Variants in APBA2 observed in about 807,000 individuals in gnomAD.
APBA2 encodes amyloid beta precursor protein binding family A member 2.
In APBA2, 30 loss-of-function variants were observed where a neutral mutation model predicts 75.0. The observed-to-expected ratio is 0.40, with a 90% CI of 0.30 to 0.54. The LOEUF (loss-of-function observed/expected upper bound fraction) is 0.54, where lower values mean the gene tolerates loss of function less well. APBA2 is among the 20% of genes least tolerant of loss of function. The pLI is 0.49. For synonymous variants in APBA2, 444 were observed against 409.6 expected (o/e 1.08, Z -1.01); for missense variants, 801 against 1,016.1 (o/e 0.79, Z 2.88).
chr15:28,914,041 A>G (rs1191224773), intron 1 of APBA2, among the ~76,000 whole-genome samples: 1 of 152,212 alleles, frequency 6.6e-6, no homozygotes. Context: ...CTTGAGGTGA[A>G]ACATTGGGTT....
At chr15:28,978,972 A>G (rs911757641) in intron 2 of APBA2, among the ~76,000 whole-genome samples, 2 of 152,324 alleles carry the variant, frequency 1.3e-5, no homozygotes, top group African/African-American at 2.4e-5. Context: ...TTAAAATCCT[A>G]TGGGTCTGAC....
intron 2 of APBA2, among the ~76,000 whole-genome samples, chr15:28,953,657 G>A (rs2036009791): frequency 6.6e-6 from 1 of 152,170 alleles, no homozygotes; most frequent in South Asian, 2.1e-4. Context: ...CCCTTCCCAT[G>A]TGACTGACCA....
chr15:28,941,473 A>G (rs1177568389), intron 2 of APBA2, among the ~76,000 whole-genome samples: 1 of 149,872 alleles, frequency 6.7e-6, no homozygotes, highest in East Asian at 2.0e-4. Context: ...CTGTGTGACC[A>G]ACGACTCTTC....
At chr15:29,037,946 A>T (rs1328011982) in intron 3 of APBA2, among the ~76,000 whole-genome samples, 1 of 152,150 alleles carries the variant, frequency 6.6e-6, no homozygotes, top group African/African-American at 2.4e-5. Context: ...TCTTCAGCAT[A>T]CTGTCTCTTA....
At chr15:28,962,718 T>A (rs1321335822) in intron 2 of APBA2, among the ~76,000 whole-genome samples, 1 of 151,994 alleles carries the variant, frequency 6.6e-6, no homozygotes, top group Non-Finnish European at 1.5e-5. Context: ...CAGCCTAACT[T>A]CCTTGCCTTT....
In APBA2 at chr15:29,073,776, G is replaced by T. The variant is rs79777415; in HGVS notation, c.952-1145G>T. On this transcript the variant is annotated intron_variant, in intron 4 of 14. Coordinates refer to ENST00000683413, the MANE Select transcript of APBA2 (RefSeq NM_001353788.2). ...GCAGGCTCCGGAACCTCCTCTGGGAGGTGGACAGGGATTTAAGGGCTATGG... is the reference window on the plus strand; with the variant it reads ...GCAGGCTCCGGAACCTCCTCTGGGATGTGGACAGGGATTTAAGGGCTATGG... 4.2e-3 allele frequency among the ~76,000 whole-genome samples: 634 copies of T among 152,360 alleles called. 6 individuals carry two copies. The highest frequency in any genetic ancestry group is 0.015 in the African/African-American group (618 of 41,590).
intron 4 of APBA2, among the ~76,000 whole-genome samples, chr15:29,071,447 G>A (rs1270502879): frequency 1.3e-5 from 2 of 151,604 alleles, no homozygotes; most frequent in Non-Finnish European, 2.9e-5. Flanking sequence ...TGGGTTTCAG[G>A]CCCCACTACA....
intron 2 of APBA2, chr15:28,970,590 C>T (rs796143000): frequency 8.6e-5 from 13 of 150,710 alleles, no homozygotes; most frequent in Admixed American, 8.6e-4. Flanking sequence ...TGGAAACATA[C>T]TTTACTTTTT....
intron 2 of APBA2, among the ~76,000 whole-genome samples, chr15:28,974,045 C>G (rs553653464): frequency 7.3e-4 from 111 of 152,288 alleles, no homozygotes; most frequent in African/African-American, 2.3e-3. Flanking sequence ...AAAGGCAAGA[C>G]TGATTTTCAG....
intron 3 of APBA2, among the ~76,000 whole-genome samples, chr15:29,038,336 A>T (rs12439061): frequency 2.6e-5 from 4 of 152,108 alleles, no homozygotes; most frequent in Non-Finnish European, 4.4e-5. Flanking sequence ...CTACTTGGGA[A>T]TTCACAGAAC....
intron 6 of APBA2, among the ~76,000 whole-genome samples, chr15:29,091,237 AC>A (rs904091908): frequency 2.0e-5 from 3 of 151,916 alleles, no homozygotes; most frequent in Non-Finnish European, 4.4e-5. Context: ...CCGTGGGAGG[AC>A]CCCATTGATA....
intron 6 of APBA2, among the ~76,000 whole-genome samples, chr15:29,088,776 C>A (rs940892187): frequency 6.6e-6 from 1 of 152,178 alleles, no homozygotes; most frequent in African/African-American, 2.4e-5. Flanking sequence ...TGGCCTGTCA[C>A]CCGTGGCCCC....
rs1199509990 is a variant in APBA2 at position 29,054,869 on chromosome 15, AG to A, written c.951+38del. ...CTGGCTGTCCTGGGGAAGGGAGCAG[AG>A]GGGCCCGAGAGCAAGGGACCTCAGG... On this transcript the variant is annotated intron_variant, in intron 4 of 14. Transcript: ENST00000683413. This position sits in a 1 kb window ranked among gnomAD's most constrained non-coding sequence, Gnocchi z 6.1. The A allele has an allele frequency of 2.5e-6, 4 of 1,577,016 alleles. No individual in the cohort carries two copies. The highest frequency in any genetic ancestry group is 3.4e-6 in the Non-Finnish European group (4 of 1,167,260).
At chr15:28,886,894 G>A (rs925998791) in intron 1 of APBA2, among the ~76,000 whole-genome samples, 8 of 152,236 alleles carry the variant, frequency 5.3e-5, no homozygotes, top group African/African-American at 1.9e-4. Flanking sequence ...CCCCATGGCA[G>A]GCACTGCCTG....
intron 3 of APBA2, among the ~76,000 whole-genome samples, chr15:29,005,077 G>C (rs1375175175): frequency 1.3e-5 from 2 of 152,096 alleles, no homozygotes; most frequent in Admixed American, 6.6e-5. Flanking sequence ...AGTTGCTTCT[G>C]GTCCTCAGGC....
chr15:29,097,829 C>G (rs1320307837), intron 8 of APBA2, among the ~76,000 whole-genome samples: 1 of 152,184 alleles, frequency 6.6e-6, no homozygotes. Context: ...TTGCCCCAGC[C>G]CCTGATAACC....
intron 3 of APBA2, among the ~76,000 whole-genome samples, chr15:29,033,339 T>C (rs1050427043): frequency 4.6e-5 from 7 of 152,150 alleles, no homozygotes; most frequent in African/African-American, 1.7e-4. Flanking sequence ...ACAGGAATGG[T>C]CTTACCCATC....
intron 2 of APBA2, among the ~76,000 whole-genome samples, chr15:28,934,148 C>T (rs2034718240): frequency 6.6e-6 from 1 of 152,152 alleles, no homozygotes; most frequent in African/African-American, 2.4e-5. Context: ...CCCTCCACAG[C>T]CTTGGGAACA....
Position 29,106,816 on chromosome 15 carries a change from C to G in APBA2, c.1914C>G (p.Ile638Met). 1 of 1,612,678 alleles carries G rather than the reference C, an allele frequency of 6.2e-7. No homozygotes were observed. The highest frequency in any genetic ancestry group is 8.5e-7 in the Non-Finnish European group (1 of 1,179,710). Residue 638 changes from isoleucine to methionine, a missense_variant, in exon 12 of 15, where the codon ATC becomes ATG. Ile to Met is a conservative substitution (Grantham distance 10). Around this residue, in one of 2 missense-constraint regions of APBA2, gnomAD observed 367 missense variants for 544.5 expected, o/e 0.67. Transcript: ENST00000683413. The stretch of plus-strand genomic sequence containing the variant: ...CCCTCGCCACCTGCCAAGGCATCAT[C>G]AAGGTAGGCACCCTGGGATCCTCCG... Reference protein sequence around the residue: ...GLPLATCQGIIKGLKNQTQVK... With the variant: ...GLPLATCQGIMKGLKNQTQVK...
Sources: gnomAD v4.1 joint callset for allele counts (sites outside exome capture counted in the v4.1 genomes callset) on GRCh38, gnomAD v4.1.1 for gene constraint, gnomAD v4.1.1 regional missense constraint, Gnocchi (gnomAD v3.1) non-coding constraint, MANE v1.5 for transcripts, NCBI Gene and HGNC (gene_info 2026-07-23, HGNC 2026-07-21) for gene names.